Variants in C10orf90 observed in about 807,000 individuals in gnomAD.
C10orf90 encodes chromosome 10 open reading frame 90.
In C10orf90, 56 loss-of-function variants were observed where a neutral mutation model predicts 62.5. That is an observed-to-expected ratio of 0.90 (90% CI 0.72 to 1.12). The LOEUF is 1.12. Ranked by LOEUF, C10orf90 falls within the 50% of genes most tolerant of loss-of-function variation. The probability of loss-of-function intolerance (pLI) is 0.00; values close to 1 mark genes in which losing one functional copy is unlikely to be tolerated. For missense variants in C10orf90, 970 were observed against 880.4 expected (o/e 1.10, Z -1.29); for synonymous variants, 386 against 340.4 (o/e 1.13, Z -1.47).
At chr10:126,586,779 T>C (rs1292266305) in intron 2 of C10orf90, among the ~76,000 whole-genome samples, 1 of 152,094 alleles carries the variant, frequency 6.6e-6, no homozygotes, top group Admixed American at 6.6e-5. Context: ...ATGAGGAGGC[T>C]CTTCAACCTC....
At chr10:126,570,178 C>T (rs969421696) in intron 2 of C10orf90, among the ~76,000 whole-genome samples, 3 of 152,224 alleles carry the variant, frequency 2.0e-5, no homozygotes, top group Non-Finnish European at 2.9e-5. Flanking sequence ...ATCTCTCTGC[C>T]TTTGATTCCC....
chr10:126,581,422 G>C (rs1449050133), intron 2 of C10orf90, among the ~76,000 whole-genome samples: 1 of 152,180 alleles, frequency 6.6e-6, no homozygotes, highest in Admixed American at 6.5e-5. Flanking sequence ...GACGTGGACT[G>C]CATGCTGGCT....
At chr10:126,537,664 A>G (rs532960587) in intron 2 of C10orf90, among the ~76,000 whole-genome samples, 1 of 152,314 alleles carries the variant, frequency 6.6e-6, no homozygotes, top group African/African-American at 2.4e-5. Context: ...CTGTCTAAAG[A>G]GTTCTCTGGA....
chr10:126,504,007 T>A lies in C10orf90; in HGVS notation c.1484A>T (p.Asp495Val). 6.2e-7 allele frequency: 1 copy of A among 1,613,664 alleles called. No homozygotes were observed. The highest frequency in any genetic ancestry group is 8.5e-7 in the Non-Finnish European group (1 of 1,180,006). Reference protein sequence around the residue: ...KDHTTHCHASDHANQLSIHIP... With the variant: ...KDHTTHCHASVHANQLSIHIP... ...GTGAATGGACAGTTGGTTGGCATGA[T>A]CGCTGGCGTGACAATGAGTTGTATG... The change falls in exon 4 of 10, where the codon GAT becomes GTT. Residue 495 changes from aspartate to valine, a missense_variant. Transcript: ENST00000488181. This position sits in a 1 kb window ranked among gnomAD's most constrained non-coding sequence, Gnocchi z 4.1.
At chr10:126,596,570 A>C (rs951598185) in intron 2 of C10orf90, among the ~76,000 whole-genome samples, 1 of 152,208 alleles carries the variant, frequency 6.6e-6, no homozygotes, top group East Asian at 1.9e-4. Flanking sequence ...CCAACCTAGC[A>C]AACATCAAAG....
intron 1 of C10orf90, among the ~76,000 whole-genome samples, chr10:126,655,075 C>T (rs903818668): frequency 1.3e-5 from 2 of 152,162 alleles, no homozygotes; most frequent in Admixed American, 1.3e-4. Flanking sequence ...AATCCCAGCA[C>T]TTTGGGAGAC....
intron 7 of C10orf90, among the ~76,000 whole-genome samples, chr10:126,434,666 T>C (rs1455681288): frequency 3.3e-5 from 5 of 152,178 alleles, no homozygotes; most frequent in Non-Finnish European, 5.9e-5. Context: ...CTACTAAAGA[T>C]TGGACCTTCA....
intron 1 of C10orf90, among the ~76,000 whole-genome samples, chr10:126,649,762 C>T (rs1258835767): frequency 6.6e-6 from 1 of 152,200 alleles, no homozygotes; most frequent in African/African-American, 2.4e-5. Flanking sequence ...GTTGGCCTCA[C>T]TTGCTAATGG....
rs768360481 is a variant in C10orf90, at chr10:126,504,757, C to A, written c.734G>T (p.Gly245Val). 7 of 1,589,546 alleles carry A rather than the reference C, an allele frequency of 4.4e-6. No homozygotes were observed. Among genetic ancestry groups the A allele is most frequent in the Non-Finnish European group, 4.3e-6 (5 of 1,167,338 alleles). The change falls in exon 4 of 10, where the codon GGC becomes GTC. Residue 245 changes from glycine (G) to valine (V), a missense_variant. Gly to Val is a moderately radical substitution (Grantham distance 109). Transcript: ENST00000488181. This position sits in a 1 kb window ranked among gnomAD's most constrained non-coding sequence, Gnocchi z 4.1. ...ASITITARRV[G>V]PPARALVWGT... ...CCACACCAGGGCGCGGGCTGGGGGG[C>A]CCACGCGTCTGGCCGTGATGGTGAT...
chr10:126,666,008 C>T (rs1347674654), intron 1 of C10orf90, among the ~76,000 whole-genome samples: 1 of 152,180 alleles, frequency 6.6e-6, no homozygotes, highest in African/African-American at 2.4e-5. Context: ...GGTACAAACA[C>T]CTTGTCACAC....
At chr10:126,584,421 C>T (rs750324816) in intron 2 of C10orf90, among the ~76,000 whole-genome samples, 4 of 151,994 alleles carry the variant, frequency 2.6e-5, no homozygotes, top group Non-Finnish European at 4.4e-5. Flanking sequence ...ACCTGTCCAC[C>T]TTCCATCTGT....
chr10:126,474,521 G>A (rs1860752200), intron 4 of C10orf90, among the ~76,000 whole-genome samples: 1 of 152,152 alleles, frequency 6.6e-6, no homozygotes. Context: ...AAGTACAAAT[G>A]TATCTGCTAG....
intron 4 of C10orf90, among the ~76,000 whole-genome samples, chr10:126,470,449 G>A (rs1436927792): frequency 6.6e-6 from 1 of 152,204 alleles, no homozygotes; most frequent in Non-Finnish European, 1.5e-5. Flanking sequence ...AAAACAAGAG[G>A]TTGAGCATGG....
Position 126,651,468 on chromosome 10 carries a change from T to A in C10orf90, c.241-4831A>T, listed in dbSNP as rs112801267. Among the ~76,000 whole-genome samples, 358 of 152,274 alleles carry A rather than the reference T, an allele frequency of 2.4e-3. 4 individuals carry two copies. In the Middle Eastern group the frequency reaches 0.031, roughly 13 times the overall value. On this transcript the variant is annotated intron_variant, in intron 1 of 9. Coordinates refer to ENST00000488181, the MANE Select transcript of C10orf90 (RefSeq NM_001350921.2). Reference sequence around the variant, plus strand: ...GAGTTATTGCACAATATTATCTTTTTAAAATCCAAAAAAAATTATTGTTGA... The same window carrying A: ...GAGTTATTGCACAATATTATCTTTTAAAAATCCAAAAAAAATTATTGTTGA...
chr10:126,622,771 A>C (rs2133818019), intron 2 of C10orf90, among the ~76,000 whole-genome samples: 1 of 152,354 alleles, frequency 6.6e-6, no homozygotes, highest in Admixed American at 6.5e-5. Context: ...ATGCAGCTGC[A>C]GTCCCTGGCT....
chr10:126,669,519 A>G (rs569333464), intron 1 of C10orf90, among the ~76,000 whole-genome samples: 1 of 152,366 alleles, frequency 6.6e-6, no homozygotes, highest in Admixed American at 6.5e-5. Flanking sequence ...ATGGGAGTCA[A>G]TTACAATGTC....
At chr10:126,512,875 T>C (rs779115662) in intron 3 of C10orf90, among the ~76,000 whole-genome samples, 12 of 152,166 alleles carry the variant, frequency 7.9e-5, no homozygotes, top group Non-Finnish European at 1.6e-4. Context: ...CTCCATCTTG[T>C]GGGATTTCAG....
chr10:126,636,807 T>C (rs1174157076), intron 2 of C10orf90, among the ~76,000 whole-genome samples: 1 of 152,146 alleles, frequency 6.6e-6, no homozygotes, highest in African/African-American at 2.4e-5. Flanking sequence ...AAAATAACAC[T>C]TTAGCTCATA....
intron 2 of C10orf90, among the ~76,000 whole-genome samples, chr10:126,612,809 C>T (rs1230676486): frequency 6.6e-6 from 1 of 152,130 alleles, no homozygotes; most frequent in Non-Finnish European, 1.5e-5. Flanking sequence ...CCAACATTTA[C>T]GTGTTTCTAA....
Sources: gnomAD v4.1 joint callset for allele counts (sites outside exome capture counted in the v4.1 genomes callset) on GRCh38, gnomAD v4.1.1 for gene constraint, Gnocchi (gnomAD v3.1) non-coding constraint, MANE v1.5 for transcripts, NCBI Gene and HGNC (gene_info 2026-07-23, HGNC 2026-07-21) for gene names.